The following CHD2 variants were observed in gnomAD, a reference collection of about 807,000 sequenced individuals.
The protein encoded by CHD2 is chromodomain helicase DNA binding protein 2, also known as ATP-dependent chromatin remodeler CHD2.
Under a neutral mutation model 243.9 loss-of-function variants are expected in CHD2, and 28 were observed. The observed-to-expected ratio is 0.11, with a 90% confidence interval of 0.09 to 0.16. The LOEUF is 0.16. Ranked by LOEUF, CHD2 falls within the 10% of genes least tolerant of loss-of-function variation. The probability of loss-of-function intolerance (pLI) is 1.00; values close to 1 mark genes in which losing one functional copy is unlikely to be tolerated. For missense variants in CHD2, 1,386 were observed against 2,209.8 expected, an observed-to-expected ratio of 0.63 and a Z score of 7.47; for synonymous variants, 775 against 779.0, an observed-to-expected ratio of 0.99 and a Z score of 0.09.
intron 5 of CHD2, among the ~76,000 whole-genome samples, chr15:92,930,869 T>C (rs1410581013): frequency 6.6e-6 from 1 of 152,198 alleles, no homozygotes; most frequent in Non-Finnish European, 1.5e-5. Flanking sequence ...GGGCTGTTCA[T>C]AGGAACTGCC....
At chr15:92,926,315 T>C (rs1323632938) in intron 3 of CHD2, among the ~76,000 whole-genome samples, 1 of 152,218 alleles carries the variant, frequency 6.6e-6, no homozygotes, top group Non-Finnish European at 1.5e-5. Context: ...CTTTTGTGCA[T>C]GTTCTGAACC....
chr15:92,980,238 T>C (rs2053962060), intron 22 of CHD2, among the ~76,000 whole-genome samples: 1 of 149,770 alleles, frequency 6.7e-6, no homozygotes, highest in Non-Finnish European at 1.5e-5. Flanking sequence ...TTTTTTTTTT[T>C]TTAGTAGAGA....
In CHD2 at chr15:92,997,104, A is replaced by G. The variant is rs776910384; in HGVS notation, c.3734+9A>G. On this transcript the variant is annotated intron_variant, in intron 29 of 38. Coordinates refer to ENST00000394196, the MANE Select transcript of CHD2 (RefSeq NM_001271.4). The surrounding 1 kb of genome is among the most constrained non-coding windows in gnomAD (Gnocchi z 4.1). The stretch of plus-strand genomic sequence containing the variant: ...CCTGAAGAAAAAAAAAAGTGAGTAT[A>G]TTTTGTGTACATGCTTAGATGGTCG... 1.7e-5 allele frequency: 27 copies of G among 1,607,166 alleles called. No individual in the cohort carries two copies. Among genetic ancestry groups the G allele is most frequent in the Non-Finnish European group, 2.3e-5 (27 of 1,178,312 alleles).
intron 28 of CHD2, among the ~76,000 whole-genome samples, chr15:92,996,305 G>A (rs749632795): frequency 2.0e-5 from 3 of 151,408 alleles, no homozygotes; most frequent in South Asian, 4.2e-4. Flanking sequence ...GACTACAGGC[G>A]CCCACCACCA....
intron 34 of CHD2, among the ~76,000 whole-genome samples, chr15:93,005,694 C>T (rs2141877641): frequency 6.6e-6 from 1 of 152,276 alleles, no homozygotes; most frequent in East Asian, 1.9e-4. Context: ...TTGCACTTAA[C>T]TCTGTTTTCT....
chr15:92,909,421 G>C (rs1303737329), intron 2 of CHD2, among the ~76,000 whole-genome samples: 1 of 152,138 alleles, frequency 6.6e-6, no homozygotes, highest in Non-Finnish European at 1.5e-5. Flanking sequence ...CCATTTGTAT[G>C]GGTTGTTTCT....
intron 2 of CHD2, among the ~76,000 whole-genome samples, chr15:92,906,174 A>C (rs550654159): frequency 6.6e-6 from 1 of 151,956 alleles, no homozygotes; most frequent in Non-Finnish European, 1.5e-5. Context: ...ATGTTTGTTG[A>C]GCCTTCTACT....
intron 3 of CHD2, among the ~76,000 whole-genome samples, chr15:92,925,632 G>GC (rs914144431): frequency 2.6e-5 from 4 of 152,148 alleles, no homozygotes; most frequent in Non-Finnish European, 5.9e-5. Flanking sequence ...GGATAGACAG[G>GC]CTAGAGTAAA....
chr15:92,972,989 G>T (rs2053862281), intron 19 of CHD2, among the ~76,000 whole-genome samples: 1 of 152,026 alleles, frequency 6.6e-6, no homozygotes, highest in Non-Finnish European at 1.5e-5. Context: ...AAAGTCAAAC[G>T]GGGCAAGATA....
At chr15:92,919,514 T>A (rs1250583953) in intron 2 of CHD2, among the ~76,000 whole-genome samples, 2 of 152,020 alleles carry the variant, frequency 1.3e-5, no homozygotes, top group African/African-American at 2.4e-5. Context: ...TGCCTCAGCC[T>A]CCCGAGTAGC....
chr15:93,005,509 A>G (rs1237356800), intron 34 of CHD2, among the ~76,000 whole-genome samples: 1 of 152,054 alleles, frequency 6.6e-6, no homozygotes, highest in East Asian at 1.9e-4. Flanking sequence ...CCACAAATCC[A>G]TTAATCAAAC....
intron 2 of CHD2, chr15:92,902,755 T>C (rs1298129992): frequency 1.3e-5 from 2 of 152,216 alleles, no homozygotes; most frequent in African/African-American, 4.8e-5. Context: ...CCTCCAGATA[T>C]ATTTGGCAAA....
chr15:92,913,095 G>C (rs951932080), intron 2 of CHD2, among the ~76,000 whole-genome samples: 14 of 152,128 alleles, frequency 9.2e-5, no homozygotes, highest in African/African-American at 3.1e-4. Flanking sequence ...ATATTCCCAG[G>C]CTTCTTGCTT....
At chr15:92,963,125 G>T (rs77151918) in intron 16 of CHD2, among the ~76,000 whole-genome samples, 9,913 of 152,112 alleles carry the variant, frequency 0.065, 373 homozygotes, top group Middle Eastern at 0.18. Context: ...TTTTATCCAG[G>T]CAAATAATCC....
At chr15:92,955,082 A>G (rs952619763) in intron 14 of CHD2, among the ~76,000 whole-genome samples, 6 of 152,176 alleles carry the variant, frequency 3.9e-5, no homozygotes, top group Admixed American at 1.3e-4. Context: ...TTGCATTTTT[A>G]AAAGAAATTT....
Position 92,998,551 on chromosome 15 carries a change from G to C in CHD2, c.3938G>C (p.Arg1313Pro), listed in dbSNP as rs1131692012. ...KKPQGKQLQT[R>P]ADYLLKLLRK... is the part of the protein sequence containing the mutation. ...CCTCAGGGGAAGCAGCTACAGACCC[G>C]AGCGGATTACTTGTTGAAGCTGCTC... The change falls in exon 31 of 39, where the codon CGA becomes CCA. Residue 1313 changes from arginine (R) to proline (P), a missense_variant. Physicochemically the swap from Arg to Pro is moderately radical, Grantham distance 103 (BLOSUM62 -2). This residue lies in a region of CHD2 where 99 missense variants were observed against 176.9 expected (regional missense o/e 0.56). Coordinates refer to ENST00000394196, the MANE Select transcript of CHD2 (RefSeq NM_001271.4). The surrounding 1 kb of genome is among the most constrained non-coding windows in gnomAD (Gnocchi z 5.1). The C allele has an allele frequency of 6.2e-7, 1 of 1,613,834 alleles. No homozygotes were observed. The highest frequency in any genetic ancestry group is 8.5e-7 in the Non-Finnish European group (1 of 1,179,974).
chr15:92,947,276 A>C (rs139049091), intron 12 of CHD2: 2 of 152,282 alleles, frequency 1.3e-5, no homozygotes, highest in Non-Finnish European at 2.9e-5. Flanking sequence ...TTTAAGAGGA[A>C]GTTGTGGTTG....
rs1032855403 is a variant in CHD2 at position 92,998,427 on chromosome 15, GTC to G, written c.3886-68_3886-67del. 7.6e-6 allele frequency: 12 copies of G among 1,580,732 alleles called. No individual in the cohort carries two copies. The highest frequency in any genetic ancestry group is 8.6e-6 in the Non-Finnish European group (10 of 1,159,004). ...GAAAGGACTGTGCTCAGTTTTTGTT[GTC>G]TCTGTTTATCCTGATCCACTAACCA... On this transcript the variant is annotated intron_variant, in intron 30 of 38. Coordinates refer to ENST00000394196, the MANE Select transcript of CHD2 (RefSeq NM_001271.4). The surrounding 1 kb of genome is among the most constrained non-coding windows in gnomAD (Gnocchi z 5.1).
Position 93,014,685 on chromosome 15 carries a change from T to C in CHD2, c.4693-11T>C, listed in dbSNP as rs750458646. 3 of 1,612,440 alleles carry C rather than the reference T, an allele frequency of 1.9e-6. No individual in the cohort carries two copies. Among genetic ancestry groups the C allele is most frequent in the Admixed American group, 3.4e-5 (2 of 59,664 alleles). ...GATCTTGAGCTTCTTTGGTTTCCTT[T>C]TACTCTTTAGGAGCAAAAGAAGAAA... On this transcript the variant is annotated splice_polypyrimidine_tract_variant and intron_variant, in intron 36 of 38. Coordinates refer to ENST00000394196, the MANE Select transcript of CHD2 (RefSeq NM_001271.4).
Sources: allele counts gnomAD v4.1 joint callset (sites outside exome capture counted in the v4.1 genomes callset), GRCh38; gene constraint gnomAD v4.1.1; regional missense constraint gnomAD v4.1.1; non-coding constraint Gnocchi (gnomAD v3.1); transcripts MANE v1.5; gene names NCBI Gene and HGNC (gene_info 2026-07-23, HGNC 2026-07-21).